MTMR3: variants seen among roughly 807,000 people sequenced by gnomAD.
The protein encoded by MTMR3 is myotubularin related protein 3.
In MTMR3, 32 loss-of-function variants were observed where a neutral mutation model predicts 132.4. The observed-to-expected ratio is 0.24, with a 90% confidence interval of 0.18 to 0.32. The LOEUF (loss-of-function observed/expected upper bound fraction) is 0.32, where lower values mean the gene tolerates loss of function less well. MTMR3 is among the 10% of genes least tolerant of loss of function. The probability of loss-of-function intolerance (pLI) is 1.00; values close to 1 mark genes in which losing one functional copy is unlikely to be tolerated. For missense variants in MTMR3, 1,216 were observed against 1,489.6 expected, an observed-to-expected ratio of 0.82 and a Z score of 3.02; for synonymous variants, 556 against 550.3, an observed-to-expected ratio of 1.01 and a Z score of -0.14.
Position 29,978,918 on chromosome 22 carries a change from G to A in MTMR3, c.94-18G>A, listed in dbSNP as rs754408822. 2 of 1,568,318 alleles carry A rather than the reference G, an allele frequency of 1.3e-6. No individual in the cohort carries two copies. The highest frequency in any genetic ancestry group is 2.2e-5 in the East Asian group (1 of 44,602). On this transcript the variant is annotated intron_variant, in intron 4 of 19. Coordinates refer to ENST00000401950, the MANE Select transcript of MTMR3 (RefSeq NM_021090.4). ...TTTAACTGCTTCAGAACTCTGAAGG[G>A]TTTCTTTCATTTCGAAGGTTCCTTT... is the stretch of plus-strand genomic sequence containing the variant.
At chr22:29,931,223 T>C (rs2065637238) in intron 1 of MTMR3, among the ~76,000 whole-genome samples, 1 of 152,210 alleles carries the variant, frequency 6.6e-6, no homozygotes, top group South Asian at 2.1e-4. Context: ...AAATGAGATA[T>C]AGTCAGTGGA....
At position 30,019,565 on chromosome 22, in the gene MTMR3, A is replaced by G. The variant is rs1387363443; in HGVS notation, c.1906A>G (p.Ser636Gly). The change falls in exon 17 of 20, where the codon AGC (serine) becomes GGC (glycine). Residue 636 changes from serine to glycine, a missense_variant. This residue lies in a region of MTMR3 where 852 missense variants were observed against 852.0 expected (regional missense o/e 1.00). Coordinates refer to ENST00000401950, the MANE Select transcript of MTMR3 (RefSeq NM_021090.4). Reference protein sequence around the residue: ...PLASRRCSDPSLNEKWQEHRR... With the variant: ...PLASRRCSDPGLNEKWQEHRR... Reference sequence around the variant, plus strand: ...GGCCAGCCGGCGCTGCAGCGACCCCAGCCTGAACGAGAAGTGGCAGGAGCA... The same window carrying G: ...GGCCAGCCGGCGCTGCAGCGACCCCGGCCTGAACGAGAAGTGGCAGGAGCA... The G allele has an allele frequency of 6.2e-7, 1 of 1,613,802 alleles. No homozygotes were observed. The highest frequency in any genetic ancestry group is 8.5e-7 in the Non-Finnish European group (1 of 1,180,026).
At chr22:30,006,851 T>C (rs1424335936) in intron 9 of MTMR3, 14 of 419,886 alleles carry the variant, frequency 3.3e-5, no homozygotes, top group Non-Finnish European at 5.7e-5. Context: ...TGAGCCTCCA[T>C]GCCTGACCCC....
chr22:29,958,992 G>A (rs988183252), intron 2 of MTMR3, among the ~76,000 whole-genome samples: 1 of 152,138 alleles, frequency 6.6e-6, no homozygotes, highest in Admixed American at 6.5e-5. Context: ...GGATCATAGG[G>A]TATATATAAT....
intron 14 of MTMR3, 157 bp from the exon 15 acceptor site, chr22:30,016,368 TGAG>T (rs1326170644): frequency 3.4e-5 from 23 of 685,214 alleles, no homozygotes; most frequent in East Asian, 8.4e-5. Context: ...ATTGGTGGTG[TGAG>T]GAGGAGGAGG....
Position 29,912,037 on chromosome 22 carries a change from T to C in MTMR3, c.-138+28678T>C, listed in dbSNP as rs531661973. ...AGAAAGAGAGGGGAGAAAAACTCGG[T>C]GAAAAGTCAGACAAGAGGAAATGAA... On this transcript the variant is annotated intron_variant, in intron 1 of 19. Coordinates refer to ENST00000401950, the MANE Select transcript of MTMR3 (RefSeq NM_021090.4). 1.4e-4 allele frequency among the ~76,000 whole-genome samples: 21 copies of C among 152,266 alleles called. No individual in the cohort carries two copies. The South Asian group carries it at 3.9e-3, about 29-fold the overall frequency.
chr22:29,979,103 C>G, intron 5 of MTMR3, 51 bp downstream of exon 5: 1 of 1,241,966 alleles, frequency 8.1e-7, no homozygotes, highest in Non-Finnish European at 1.2e-6. Flanking sequence ...GAAAGTAAGT[C>G]AAAAAACTTA....
At chr22:30,014,032 C>G (rs1215743268) in intron 14 of MTMR3, 1 of 154,018 alleles carries the variant, frequency 6.5e-6, no homozygotes, top group Non-Finnish European at 1.4e-5. Flanking sequence ...GTGCGTTTCC[C>G]TCTCTACCAG....
intron 5 of MTMR3, 117 bp downstream of exon 5, chr22:29,979,169 C>A: frequency 1.4e-6 from 1 of 717,804 alleles, no homozygotes; most frequent in Non-Finnish European, 2.4e-6. Flanking sequence ...ATTATGTGCT[C>A]TGCTTTTCTC....
rs1233972487 is a variant in MTMR3 at position 29,889,564 on chromosome 22, G to A, written c.-138+6205G>A. ...CGCCTCCCAAAGTGGTGGGATTACAGGCGTGAGCCACTGCACCTGGCCCAG... is the reference window on the plus strand; with the variant it reads ...CGCCTCCCAAAGTGGTGGGATTACAAGCGTGAGCCACTGCACCTGGCCCAG... On this transcript the variant is annotated intron_variant, in intron 1 of 19. Coordinates refer to ENST00000401950, the MANE Select transcript of MTMR3 (RefSeq NM_021090.4). 3.9e-5 allele frequency among the ~76,000 whole-genome samples: 6 copies of A among 151,964 alleles called. No homozygotes were observed. The East Asian group carries it at 1.2e-3, about 29-fold the overall frequency.
intron 6 of MTMR3, 111 bp from the exon 7 acceptor site, chr22:29,991,393 G>A (rs1377887960): frequency 9.6e-7 from 1 of 1,044,160 alleles, no homozygotes; most frequent in Non-Finnish European, 1.3e-6. Flanking sequence ...ATGCTTTCTT[G>A]GTTGTAGTTC....
In MTMR3 at chr22:30,022,028, G is replaced by A; in HGVS notation, c.3226-1G>A. On this transcript the variant is annotated splice_acceptor_variant, in intron 17 of 19. Transcript: ENST00000401950. LOFTEE classifies it high-confidence loss of function. ...GTTCAGCTGTGTTTGTTTGCCAACA[G>A]ACTTCAATCCCCGACTCGGAAAGCA... The A allele has an allele frequency of 6.2e-7, 1 of 1,612,572 alleles. No homozygotes were observed. The highest frequency in any genetic ancestry group is 8.5e-7 in the Non-Finnish European group (1 of 1,178,574).
intron 2 of MTMR3, among the ~76,000 whole-genome samples, chr22:29,965,758 C>G (rs369411482): frequency 6.6e-6 from 1 of 152,178 alleles, no homozygotes; most frequent in East Asian, 1.9e-4. Context: ...AATGTGACTG[C>G]AGATTGAGAG....
rs1458275851 is a variant in MTMR3, at chr22:29,935,910, G to A, written c.-137-21126G>A. Among the ~76,000 whole-genome samples, 5 of 151,960 alleles carry A rather than the reference G, an allele frequency of 3.3e-5. No individual in the cohort carries two copies. The East Asian group carries it at 7.7e-4, about 24-fold the overall frequency. ...TGGGACTATAGGCGCCCGCCACCAC[G>A]CCTGGCTAATTTTTAGTATTTTTAG... On this transcript the variant is annotated intron_variant, in intron 1 of 19. Coordinates refer to ENST00000401950, the MANE Select transcript of MTMR3 (RefSeq NM_021090.4).
chr22:29,949,144 C>CACACACACA (rs1491241499), intron 1 of MTMR3, among the ~76,000 whole-genome samples: 5 of 14,102 alleles, frequency 3.5e-4, no homozygotes, highest in African/African-American at 7.2e-4. Flanking sequence ...CACACACACA[C>CACACACACA]CCCCCCCCCC....
intron 1 of MTMR3, among the ~76,000 whole-genome samples, chr22:29,921,503 T>C (rs1004747989): frequency 1.3e-5 from 2 of 150,020 alleles, no homozygotes; most frequent in Non-Finnish European, 1.5e-5. Flanking sequence ...TTATTACTTT[T>C]TAATGGATGA....
At chr22:29,972,284 T>C (rs1420630550) in intron 3 of MTMR3, among the ~76,000 whole-genome samples, 2 of 152,216 alleles carry the variant, frequency 1.3e-5, no homozygotes, top group East Asian at 1.9e-4. Flanking sequence ...AGCTCTGTTC[T>C]GTATTGAGGG....
chr22:29,950,847 T>TCAGAAAATAACTTTACAGATTACTTAC (rs1555903291), intron 1 of MTMR3, among the ~76,000 whole-genome samples: 2 of 152,226 alleles, frequency 1.3e-5, no homozygotes, highest in Non-Finnish European at 2.9e-5. Flanking sequence ...TATATCAGTA[T>TCAGAAAATAACTTTACAGATTACTTAC]ATCTGAGTTA....
At chr22:29,946,973 T>C (rs1829026439) in intron 1 of MTMR3, among the ~76,000 whole-genome samples, 2 of 152,176 alleles carry the variant, frequency 1.3e-5, no homozygotes, top group Admixed American at 1.3e-4. Flanking sequence ...AATAACTATA[T>C]GCTTTAGAAT....
Sources: gnomAD v4.1 joint callset for allele counts (sites outside exome capture counted in the v4.1 genomes callset) on GRCh38, gnomAD v4.1.1 for gene constraint, gnomAD v4.1.1 regional missense constraint, MANE v1.5 for transcripts, NCBI Gene and HGNC (gene_info 2026-07-23, HGNC 2026-07-21) for gene names.